CIITA: variants seen among roughly 807,000 people sequenced by gnomAD.
CIITA encodes the protein MHC class II transactivator.
In CIITA, 72 loss-of-function variants were observed where a neutral mutation model predicts 115.1. The ratio of observed to expected loss-of-function variants is 0.63; its 90% CI spans 0.52 to 0.76. The LOEUF (loss-of-function observed/expected upper bound fraction) is 0.76, where lower values mean the gene tolerates loss of function less well. Among genes scored for constraint, CIITA ranks in the 30% least tolerant of loss-of-function variants. The probability of loss-of-function intolerance (pLI) is 0.00; values close to 1 mark genes in which losing one functional copy is unlikely to be tolerated. For missense variants in CIITA, 1,617 were observed against 1,463.8 expected (o/e 1.10, Z -1.71); for synonymous variants, 763 against 635.6 (o/e 1.20, Z -3.02).
chr16:10,876,042 C>T (rs541585902), upstream of CIITA, among the ~76,000 whole-genome samples: 67 of 151,952 alleles, frequency 4.4e-4, no homozygotes, highest in Non-Finnish European at 7.8e-4. Flanking sequence ...CCCAGCTGCT[C>T]GGGAGGCTGA....
intron 1 of CIITA, among the ~76,000 whole-genome samples, chr16:10,882,789 C>G (rs377497789): frequency 2.6e-5 from 4 of 151,740 alleles, no homozygotes; most frequent in Non-Finnish European, 5.9e-5. Context: ...CCCAGCTACT[C>G]GGTAGGCTGG....
At chr16:10,868,160 G>C (rs756837546) in intron 1 of CIITA, among the ~76,000 whole-genome samples, 15 of 152,180 alleles carry the variant, frequency 9.9e-5, no homozygotes, top group Non-Finnish European at 2.1e-4. Flanking sequence ...TAGTGTGCCA[G>C]AAACAGCCTA....
upstream of CIITA, among the ~76,000 whole-genome samples, chr16:10,875,176 C>T (rs1425893298): frequency 6.6e-6 from 1 of 151,988 alleles, no homozygotes; most frequent in Non-Finnish European, 1.5e-5. Context: ...CCAGGCTGGT[C>T]TTCAACTCCT....
At position 10,902,100 on chromosome 16, in the gene CIITA, C is replaced by A. The variant is rs747552747; in HGVS notation, c.544C>A (p.Leu182Met). Residue 182 changes from leucine (L) to methionine (M), a missense_variant, in exon 7 of 20, where the codon CTG (leucine) becomes ATG (methionine). Physicochemically the swap from Leu to Met is conservative, Grantham distance 15 (BLOSUM62 2). Coordinates refer to ENST00000324288, the MANE Select transcript of CIITA (RefSeq NM_000246.4). The stretch of plus-strand genomic sequence containing the variant: ...GGGACCAGTGAGCGACTGCTCCACC[C>A]TGCCCTGCCTGCCACTGCCTGCGCT... ...LVGPVSDCST[L>M]PCLPLPALFN... The A allele has an allele frequency of 4.3e-6, 7 of 1,614,138 alleles. No homozygotes were observed. Among genetic ancestry groups the A allele is most frequent in the Non-Finnish European group, 5.9e-6 (7 of 1,179,984 alleles).
At chr16:10,885,478 T>C (rs763781163) in intron 1 of CIITA, among the ~76,000 whole-genome samples, 23 of 152,292 alleles carry the variant, frequency 1.5e-4, no homozygotes, top group Non-Finnish European at 2.8e-4. Context: ...CTTAGTTTCC[T>C]CTCCGTCTCC....
chr16:10,920,200 A>G lies in CIITA; in HGVS notation c.3149+1674A>G, dbSNP rs2040195241. Among the ~76,000 whole-genome samples, 1 of 152,214 alleles carries G rather than the reference A, an allele frequency of 6.6e-6. No individual in the cohort carries two copies. ...AGTTTTTCAGTGTGAATGGAAAAGT[A>G]GGTGGGCCTGGGAAGGCGACACTTG... On this transcript the variant is annotated intron_variant, in intron 16 of 19. Coordinates refer to ENST00000324288, the MANE Select transcript of CIITA (RefSeq NM_000246.4). The surrounding 1 kb of genome is among the most constrained non-coding windows in gnomAD (Gnocchi z 4.5).
At chr16:10,902,561 C>G in intron 7 of CIITA, 97 bp from the exon 8 acceptor site, 1 of 1,491,578 alleles carries the variant, frequency 6.7e-7, no homozygotes, top group South Asian at 1.2e-5. Flanking sequence ...AAATTAGGGC[C>G]CTTTAGGGGG....
chr16:10,871,118 C>T (rs986606635), intron 1 of CIITA, among the ~76,000 whole-genome samples: 3 of 152,228 alleles, frequency 2.0e-5, no homozygotes, highest in Admixed American at 6.5e-5. Context: ...GAGCACTTCC[C>T]GGGCGCCCCG....
At chr16:10,911,320 T>G in intron 13 of CIITA, among the ~76,000 whole-genome samples, 1 of 137,558 alleles carries the variant, frequency 7.3e-6, no homozygotes, top group South Asian at 2.8e-4. Context: ...CCTTCCTTCC[T>G]TCCCTCCCTC....
chr16:10,922,537 G>A, intron 18 of CIITA, 47 bp downstream of exon 18: 1 of 1,597,564 alleles, frequency 6.3e-7, no homozygotes, highest in South Asian at 1.1e-5. Context: ...CACTCCCCAG[G>A]CGTGTGGCCC....
At chr16:10,889,598 C>A (rs1456163607) in intron 1 of CIITA, among the ~76,000 whole-genome samples, 3 of 151,984 alleles carry the variant, frequency 2.0e-5, no homozygotes, top group African/African-American at 7.3e-5. Context: ...TGGTTCACTG[C>A]AGCCTCTGCC....
At chr16:10,911,509 C>T (rs1457963351) in intron 13 of CIITA, among the ~76,000 whole-genome samples, 1 of 145,368 alleles carries the variant, frequency 6.9e-6, no homozygotes, top group African/African-American at 2.6e-5. Context: ...TCTTTCCTTC[C>T]CTCCCTTCCT....
At chr16:10,922,834 T>C (rs45466196) in intron 18 of CIITA, 137,350 of 501,852 alleles carry the variant, frequency 0.27, 20,415 homozygotes, top group South Asian at 0.34. Flanking sequence ...TTTCATATGG[T>C]TCAGGTTTAT....
chr16:10,916,094 A>T (rs2039932052), intron 14 of CIITA, among the ~76,000 whole-genome samples: 3 of 152,220 alleles, frequency 2.0e-5, no homozygotes, highest in Admixed American at 2.0e-4. Context: ...AGGTTAAGGA[A>T]GTTGCCAAGC....
intron 11 of CIITA, 83 bp downstream of exon 11, chr16:10,908,232 G>A: frequency 1.4e-6 from 2 of 1,470,898 alleles, no homozygotes; most frequent in South Asian, 1.2e-5. Context: ...GCTCTGTGGG[G>A]TCTCTTTTAG....
At chr16:10,876,765 A>G (rs373234237), upstream of CIITA, among the ~76,000 whole-genome samples, 1 of 152,192 alleles carries the variant, frequency 6.6e-6, no homozygotes, top group African/African-American at 2.4e-5. Context: ...ATTCAGGGCA[A>G]TTTGGTGTGG....
chr16:10,889,828 A>G (rs1009273630), intron 1 of CIITA, among the ~76,000 whole-genome samples: 12 of 152,178 alleles, frequency 7.9e-5, no homozygotes, highest in Non-Finnish European at 1.5e-5. Context: ...TAATATTGGG[A>G]AAACTGATGT....
chr16:10,921,888 A>C (rs1032014959), intron 16 of CIITA, among the ~76,000 whole-genome samples: 3 of 152,270 alleles, frequency 2.0e-5, no homozygotes, highest in African/African-American at 7.2e-5. Flanking sequence ...CAATCACCAC[A>C]GCCCTGAACA....
chr16:10,886,453 T>G (rs1222861601), intron 1 of CIITA, among the ~76,000 whole-genome samples: 1 of 152,200 alleles, frequency 6.6e-6, no homozygotes. Flanking sequence ...AGATGGGTTC[T>G]CCTGGGGAGT....
Sources: gnomAD v4.1 joint callset for allele counts (sites outside exome capture counted in the v4.1 genomes callset) on GRCh38, gnomAD v4.1.1 for gene constraint, Gnocchi (gnomAD v3.1) non-coding constraint, MANE v1.5 for transcripts, NCBI Gene and HGNC (gene_info 2026-07-23, HGNC 2026-07-21) for gene names.